Variants in P4HA3 observed in about 807,000 individuals in gnomAD.
The protein encoded by P4HA3 is prolyl 4-hydroxylase subunit alpha 3, also known as prolyl 4-hydroxylase subunit alpha-3.
P4HA3 carries 60 observed loss-of-function variants against 66.7 expected under a neutral mutation model. The observed-to-expected ratio is 0.90, with a 90% CI of 0.73 to 1.12. The LOEUF (loss-of-function observed/expected upper bound fraction) is 1.12, where lower values mean the gene tolerates loss of function less well. Ranked by LOEUF, P4HA3 falls within the 50% of genes most tolerant of loss-of-function variation. The pLI is 0.00. For synonymous variants in P4HA3, 263 were observed against 274.6 expected (o/e 0.96, Z 0.42); for missense variants, 683 against 685.8 (o/e 1.00, Z 0.05).
At chr11:74,281,781 G>A (rs1472470308) in intron 7 of P4HA3, among the ~76,000 whole-genome samples, 7 of 151,964 alleles carry the variant, frequency 4.6e-5, no homozygotes, top group African/African-American at 1.4e-4. Flanking sequence ...GCTAGATGAC[G>A]AGTTAGTGGG....
chr11:74,259,204 C>T (rs1591079889), intron 15 of P4HA3, among the ~76,000 whole-genome samples: 1 of 152,150 alleles, frequency 6.6e-6, no homozygotes, highest in Non-Finnish European at 1.5e-5. Context: ...CATGGCGAAA[C>T]CCCGTCTCTA....
At position 74,275,220 on chromosome 11, in the gene P4HA3, C is replaced by A. The variant is rs187766623; in HGVS notation, c.1336-1613G>T. ...TCAGTTGTTTTCTTCTTTTATGGAT[C>A]ATACTTTGGTGTCATATCTAAGAAA... On this transcript the variant is annotated intron_variant, in intron 9 of 12. Coordinates refer to ENST00000331597, the MANE Select transcript of P4HA3 (RefSeq NM_182904.5). Among the ~76,000 whole-genome samples the A allele has an allele frequency of 1.7e-3, 252 of 152,188 alleles. 1 individual carries two copies. Among genetic ancestry groups the A allele is most frequent in the Admixed American group, 4.1e-3 (63 of 15,286 alleles).
At chr11:74,302,883 C>G (rs914425148) in intron 2 of P4HA3, among the ~76,000 whole-genome samples, 1 of 152,014 alleles carries the variant, frequency 6.6e-6, no homozygotes, top group African/African-American at 2.4e-5. Context: ...GACAACTCTT[C>G]TTTTTCTTTT....
At chr11:74,257,146 T>A (rs1009193784) in intron 15 of P4HA3, among the ~76,000 whole-genome samples, 4 of 152,130 alleles carry the variant, frequency 2.6e-5, no homozygotes, top group African/African-American at 7.2e-5. Context: ...TTCTTTTTTT[T>A]AGACAGTCTC....
chr11:74,277,271 A>C, intron 8 of P4HA3, 127 bp from the exon 9 acceptor site: 1 of 1,218,784 alleles, frequency 8.2e-7, no homozygotes, highest in Non-Finnish European at 1.2e-6. Context: ...AGGAAGGAGG[A>C]AAGAGAGGGA....
chr11:74,295,395 T>A (rs1399347093), intron 4 of P4HA3, among the ~76,000 whole-genome samples: 1 of 152,194 alleles, frequency 6.6e-6, no homozygotes, highest in Non-Finnish European at 1.5e-5. Flanking sequence ...CGGATGGGTA[T>A]CTAGCAGTCC....
intron 1 of P4HA3, among the ~76,000 whole-genome samples, chr11:74,306,502 C>T (rs1429441887): frequency 6.6e-6 from 1 of 151,480 alleles, no homozygotes; most frequent in Non-Finnish European, 1.5e-5. Flanking sequence ...AATAGTATAA[C>T]AAGAATGGAA....
intron 9 of P4HA3, among the ~76,000 whole-genome samples, chr11:74,275,758 T>C (rs753126327): frequency 2.0e-5 from 3 of 152,154 alleles, no homozygotes; most frequent in Non-Finnish European, 4.4e-5. Context: ...TATAGATCAA[T>C]TTTGGGGAGG....
intron 5 of P4HA3, chr11:74,287,227 G>C: frequency 7.8e-7 from 1 of 1,289,132 alleles, no homozygotes; most frequent in South Asian, 1.2e-5. Flanking sequence ...ATGCTGAATT[G>C]TTCTAATGCT....
intron 11 of P4HA3, among the ~76,000 whole-genome samples, chr11:74,268,456 G>C (rs971232334): frequency 6.6e-5 from 10 of 152,184 alleles, no homozygotes; most frequent in African/African-American, 2.4e-4. Context: ...CAGGTCCTGG[G>C]GCTGCAGGGA....
Position 74,298,439 on chromosome 11 carries a change from G to A in P4HA3, c.568-78C>T, listed in dbSNP as rs1007622642. ...GAAAATGACAATTCAAAGAATAAGAGGGACTTTGGAATCCAAGAAGGCAGG... is the reference window on the plus strand; with the variant it reads ...GAAAATGACAATTCAAAGAATAAGAAGGACTTTGGAATCCAAGAAGGCAGG... On this transcript the variant is annotated intron_variant, in intron 3 of 12. Coordinates refer to ENST00000331597, the MANE Select transcript of P4HA3 (RefSeq NM_182904.5). 2.9e-5 allele frequency: 44 copies of A among 1,502,076 alleles called. No individual in the cohort carries two copies. The African/African-American group carries it at 5.9e-4, about 20-fold the overall frequency. The allele number at this position is 1,502,076 out of a possible 1,614,324, so 93.0% of individuals were successfully genotyped here.
chr11:74,304,354 G>C lies in P4HA3; in HGVS notation c.259C>G (p.Leu87Val). 2 of 1,614,146 alleles carry C rather than the reference G, an allele frequency of 1.2e-6. No individual in the cohort carries two copies. The highest frequency in any genetic ancestry group is 1.7e-6 in the Non-Finnish European group (2 of 1,179,996). The change falls in exon 2 of 13, where the codon CTG becomes GTG. Residue 87 changes from leucine (L) to valine (V), a missense_variant. Leu to Val is a conservative substitution (Grantham distance 32). Coordinates refer to ENST00000331597, the MANE Select transcript of P4HA3 (RefSeq NM_182904.5). Reference sequence around the variant, plus strand: ...CGTTTGATGAGAGTAAATGCAAGCAGAGGGTTAGCCACAGGGGTTGTTGAA... The same window carrying C: ...CGTTTGATGAGAGTAAATGCAAGCACAGGGTTAGCCACAGGGGTTGTTGAA... ...EDSTTPVANP[L>V]LAFTLIKRLQ...
intron 3 of P4HA3, among the ~76,000 whole-genome samples, chr11:74,301,206 G>A (rs1861396628): frequency 6.6e-6 from 1 of 151,930 alleles, no homozygotes; most frequent in African/African-American, 2.4e-5. Context: ...TACAATAATA[G>A]ATATAATTGC....
chr11:74,305,948 G>T (rs547201601), intron 1 of P4HA3, among the ~76,000 whole-genome samples: 1 of 152,264 alleles, frequency 6.6e-6, no homozygotes, highest in African/African-American at 2.4e-5. Flanking sequence ...AAGGCTTAGT[G>T]GGGAGGACAG....
intron 10 of P4HA3, among the ~76,000 whole-genome samples, chr11:74,272,614 A>G (rs1275203934): frequency 1.3e-5 from 2 of 152,190 alleles, no homozygotes; most frequent in African/African-American, 2.4e-5. Context: ...GGCATTAAAG[A>G]CTACACAGAA....
At chr11:74,274,877 A>G (rs566754187) in intron 9 of P4HA3, among the ~76,000 whole-genome samples, 1 of 152,294 alleles carries the variant, frequency 6.6e-6, no homozygotes, top group African/African-American at 2.4e-5. Context: ...TATTGTAGCC[A>G]TCATAAGAGA....
At chr11:74,288,550 C>T (rs186988600) in intron 5 of P4HA3, among the ~76,000 whole-genome samples, 1 of 152,174 alleles carries the variant, frequency 6.6e-6, no homozygotes, top group Non-Finnish European at 1.5e-5. Flanking sequence ...AGGTTGATAT[C>T]TTCTCAGCAT....
At chr11:74,276,563 AT>A (rs1306495208) in intron 9 of P4HA3, among the ~76,000 whole-genome samples, 1 of 152,200 alleles carries the variant, frequency 6.6e-6, no homozygotes, top group Non-Finnish European at 1.5e-5. Context: ...AAAGAAAAAA[AT>A]AAATACATAA....
chr11:74,310,737 A>G (rs1861711825), intron 1 of P4HA3, among the ~76,000 whole-genome samples: 1 of 152,176 alleles, frequency 6.6e-6, no homozygotes, highest in Non-Finnish European at 1.5e-5. Context: ...CTGTACAGTT[A>G]CTCAGCATCA....
Sources: allele counts gnomAD v4.1 joint callset (sites outside exome capture counted in the v4.1 genomes callset), GRCh38; gene constraint gnomAD v4.1.1; transcripts MANE v1.5; gene names NCBI Gene and HGNC (gene_info 2026-07-23, HGNC 2026-07-21).